The following PIP5K1B variants were observed in gnomAD, a reference collection of about 807,000 sequenced individuals.
PIP5K1B encodes phosphatidylinositol-4-phosphate 5-kinase type 1 beta, also known as phosphatidylinositol 4-phosphate 5-kinase type-1 beta.
PIP5K1B carries 42 observed loss-of-function variants against 67.0 expected under a neutral mutation model. The ratio of observed to expected loss-of-function variants is 0.63; its 90% CI spans 0.49 to 0.81. The LOEUF is 0.81. PIP5K1B is among the 30% of genes least tolerant of loss of function. The pLI is 0.00. For missense variants in PIP5K1B, 459 were observed against 646.3 expected, an observed-to-expected ratio of 0.71 and a Z score of 3.14; for synonymous variants, 214 against 231.4, an observed-to-expected ratio of 0.92 and a Z score of 0.68.
chr9:69,005,700 G>A (rs1027355777), intron 15 of PIP5K1B, among the ~76,000 whole-genome samples: 3 of 151,968 alleles, frequency 2.0e-5, no homozygotes, highest in African/African-American at 7.3e-5. Context: ...TTTTTAATGG[G>A]ATCTTGTGGT....
chr9:68,960,113 A>G (rs1411949381), intron 14 of PIP5K1B, among the ~76,000 whole-genome samples: 1 of 152,208 alleles, frequency 6.6e-6, no homozygotes, highest in Admixed American at 6.5e-5. Flanking sequence ...GAGATCTTGC[A>G]AGTCTGAAAA....
chr9:68,859,900 TC>T (rs1564189451), intron 4 of PIP5K1B, among the ~76,000 whole-genome samples: 2 of 152,210 alleles, frequency 1.3e-5, no homozygotes, highest in Non-Finnish European at 2.9e-5. Flanking sequence ...ATGCTTTTTT[TC>T]TATTTTATTT....
At chr9:68,974,602 A>G (rs1307067001) in intron 14 of PIP5K1B, among the ~76,000 whole-genome samples, 2 of 152,238 alleles carry the variant, frequency 1.3e-5, no homozygotes, top group East Asian at 1.9e-4. Context: ...AGAGACCAGT[A>G]GCTTCTGTGA....
chr9:68,841,674 T>C (rs1821930416), intron 4 of PIP5K1B, among the ~76,000 whole-genome samples: 1 of 152,256 alleles, frequency 6.6e-6, no homozygotes, highest in Non-Finnish European at 1.5e-5. Flanking sequence ...AAAGTCATCA[T>C]TTCTGATGAC....
intron 6 of PIP5K1B, among the ~76,000 whole-genome samples, chr9:68,880,556 A>AACACACAC (rs35017818): frequency 2.1e-4 from 25 of 118,690 alleles, no homozygotes; most frequent in African/African-American, 7.1e-4. Flanking sequence ...CTGCATCTGA[A>AACACACAC]ACACACACAC....
At chr9:68,925,312 TGC>T (rs1246989965) in intron 12 of PIP5K1B, among the ~76,000 whole-genome samples, 5 of 152,308 alleles carry the variant, frequency 3.3e-5, no homozygotes, top group Admixed American at 6.5e-5. Context: ...TGCACGTAAC[TGC>T]GCAGATAGAT....
intron 2 of PIP5K1B, chr9:68,788,725 G>A: frequency 3.8e-6 from 1 of 263,792 alleles, no homozygotes; most frequent in Admixed American, 4.8e-5. Flanking sequence ...ACCCCTTTGG[G>A]CATCTGGCTG....
intron 8 of PIP5K1B, among the ~76,000 whole-genome samples, chr9:68,912,678 A>G (rs996277968): frequency 2.6e-5 from 4 of 152,192 alleles, no homozygotes; most frequent in Non-Finnish European, 5.9e-5. Flanking sequence ...CCCAAAAACA[A>G]GCAAGTGGGG....
At chr9:68,893,558 T>A (rs1289341965) in intron 7 of PIP5K1B, among the ~76,000 whole-genome samples, 2 of 152,142 alleles carry the variant, frequency 1.3e-5, no homozygotes, top group African/African-American at 4.8e-5. Flanking sequence ...GGTCTCGAAC[T>A]CCTGACCTCG....
chr9:68,983,342 A>G (rs1396159980), intron 14 of PIP5K1B, among the ~76,000 whole-genome samples: 4 of 152,128 alleles, frequency 2.6e-5, no homozygotes, highest in Non-Finnish European at 4.4e-5. Flanking sequence ...GGAGGGCTTG[A>G]TAAGTGTCCT....
intron 4 of PIP5K1B, among the ~76,000 whole-genome samples, chr9:68,863,290 G>A (rs1235140107): frequency 6.6e-6 from 1 of 152,064 alleles, no homozygotes; most frequent in African/African-American, 2.4e-5. Context: ...GCAGTGCAAG[G>A]CATAAAAAGT....
intron 4 of PIP5K1B, among the ~76,000 whole-genome samples, chr9:68,844,105 G>C (rs1587542939): frequency 6.6e-6 from 1 of 152,232 alleles, no homozygotes; most frequent in African/African-American, 2.4e-5. Context: ...AAAGTTGGCT[G>C]CTGCAGGGCC....
intron 2 of PIP5K1B, among the ~76,000 whole-genome samples, chr9:68,788,146 A>G (rs1831736161): frequency 6.6e-6 from 1 of 152,118 alleles, no homozygotes; most frequent in Admixed American, 6.5e-5. Flanking sequence ...CTCCCTGGTG[A>G]CCCTTTCCTC....
chr9:68,912,557 G>A (rs1228116771), intron 8 of PIP5K1B, among the ~76,000 whole-genome samples: 2 of 152,226 alleles, frequency 1.3e-5, no homozygotes, highest in African/African-American at 2.4e-5. Flanking sequence ...GACTTGGCAC[G>A]GATTAACTCA....
intron 6 of PIP5K1B, among the ~76,000 whole-genome samples, chr9:68,880,538 G>C (rs1183808500): frequency 6.6e-6 from 1 of 150,840 alleles, no homozygotes; most frequent in African/African-American, 2.4e-5. Context: ...CTGGGCGGCA[G>C]AGCAAGACTG....
At chr9:68,961,651 G>T (rs991663735) in intron 14 of PIP5K1B, among the ~76,000 whole-genome samples, 1 of 152,126 alleles carries the variant, frequency 6.6e-6, no homozygotes, top group Non-Finnish European at 1.5e-5. Context: ...AATCTTTCCA[G>T]CCTGGATGAT....
At chr9:68,890,025 TTAAG>T (rs1369267301) in intron 7 of PIP5K1B, among the ~76,000 whole-genome samples, 14 of 152,134 alleles carry the variant, frequency 9.2e-5, no homozygotes, top group Non-Finnish European at 1.9e-4. Context: ...CAAAGATAAA[TTAAG>T]TAACTTGCCA....
At chr9:68,711,332 AAAGT>A (rs1387926749) in intron 1 of PIP5K1B, among the ~76,000 whole-genome samples, 1 of 152,230 alleles carries the variant, frequency 6.6e-6, no homozygotes, top group Non-Finnish European at 1.5e-5. Flanking sequence ...GTTTGGTAAT[AAAGT>A]AAGGAAACAA....
At chr9:68,909,131 G>T (rs1279295479) in intron 8 of PIP5K1B, among the ~76,000 whole-genome samples, 1 of 152,170 alleles carries the variant, frequency 6.6e-6, no homozygotes, top group Non-Finnish European at 1.5e-5. Flanking sequence ...AACAGGTATA[G>T]ACGTGCATTT....
Sources: gnomAD v4.1 joint callset for allele counts (sites outside exome capture counted in the v4.1 genomes callset) on GRCh38, gnomAD v4.1.1 for gene constraint, MANE v1.5 for transcripts, NCBI Gene and HGNC (gene_info 2026-07-23, HGNC 2026-07-21) for gene names.